The following SLC5A5 variants were observed in gnomAD, a reference collection of about 807,000 sequenced individuals.
SLC5A5 encodes the protein solute carrier family 5 member 5, also known as sodium/iodide cotransporter.
In SLC5A5, 56 loss-of-function variants were observed where a neutral mutation model predicts 68.6. The observed-to-expected ratio is 0.82, with a 90% CI of 0.66 to 1.02. SLC5A5 has a LOEUF of 1.02. Among genes scored for constraint, SLC5A5 ranks in the 50% least tolerant of loss-of-function variants. The pLI, the probability that SLC5A5 is intolerant of heterozygous loss-of-function variation, is 0.00. For missense variants in SLC5A5, 807 were observed against 859.8 expected (o/e 0.94, Z 0.77); for synonymous variants, 398 against 373.0 (o/e 1.07, Z -0.77).
At chr19:17,872,814 A>T in intron 1 of SLC5A5, 138 bp downstream of exon 1, 1 of 656,284 alleles carries the variant, frequency 1.5e-6, no homozygotes, top group Non-Finnish European at 2.7e-6. Context: ...AGGGGCCCCT[A>T]GGCAGACACG....
At chr19:17,877,910 C>G in intron 6 of SLC5A5, 47 bp downstream of exon 6, 1 of 1,613,954 alleles carries the variant, frequency 6.2e-7, no homozygotes, top group Non-Finnish European at 8.5e-7. Flanking sequence ...ACATGCTGCC[C>G]CCCTCCACCA....
At chr19:17,873,124 G>GA (rs1360595703) in intron 1 of SLC5A5, among the ~76,000 whole-genome samples, 5 of 152,308 alleles carry the variant, frequency 3.3e-5, no homozygotes, top group African/African-American at 1.2e-4. Context: ...TCCAATGGGC[G>GA]AATTACAGGA....
At position 17,883,745 on chromosome 19, in the gene SLC5A5, TCCTGCCGGCCTGCAACACA is replaced by T; in HGVS notation, c.1310_1328del (p.Leu437ArgfsTer7). 1 of 1,506,162 alleles carries T rather than the reference TCCTGCCGGCCTGCAACACA, an allele frequency of 6.6e-7. No homozygotes were observed. Among genetic ancestry groups the T allele is most frequent in the Non-Finnish European group, 8.9e-7 (1 of 1,117,322 alleles). The allele number at this position is 1,506,162 out of a possible 1,614,324, so 93.3% of individuals were successfully genotyped here. ...CTGGGAGCCTTCATCTTGGGAATGTTCCTGCCGGCCTGCAACACACCGGTGAGTGGGGGCGGGGCAAGGG... is the reference window on the plus strand; with the variant it reads ...CTGGGAGCCTTCATCTTGGGAATGTTCCGGTGAGTGGGGGCGGGGCAAGGG... On this transcript the variant is annotated frameshift_variant, in exon 11 of 15. Transcript: ENST00000222248.
At chr19:17,886,705 C>T (rs113290028) in intron 12 of SLC5A5, among the ~76,000 whole-genome samples, 13 of 152,286 alleles carry the variant, frequency 8.5e-5, no homozygotes, top group African/African-American at 2.4e-4. Context: ...AACTTCTCCA[C>T]GTCCTCGCCA....
rs201684511 is a variant in SLC5A5 at position 17,894,150 on chromosome 19, T to TTTTC, written c.*276_*277insCTTT. 48,482 of 356,176 alleles carry TTTTC rather than the reference T, an allele frequency of 0.14. 3,010 individuals are homozygous for TTTTC. The highest frequency in any genetic ancestry group is 0.17 in the Non-Finnish European group (32,904 of 190,356). The allele number at this position is 356,176 out of a possible 1,614,324, so 22.1% of individuals were successfully genotyped here. On this transcript the variant is annotated 3_prime_UTR_variant, in exon 15 of 15. Transcript: ENST00000222248. ...CTGGGTTTTTCTCTCTCTCTTTTTT[T>TTTTC]TTTTTTTTTTTTTTTGAGACAGGGT...
chr19:17,882,806 C>T (rs1325723209), intron 10 of SLC5A5, among the ~76,000 whole-genome samples: 2 of 152,172 alleles, frequency 1.3e-5, no homozygotes, highest in Non-Finnish European at 2.9e-5. Context: ...GCCTCAGCCT[C>T]CCGAGTAGCT....
Position 17,872,183 on chromosome 19 carries a change from C to T in SLC5A5, c.-137C>T, listed in dbSNP as rs866765676. The T allele has an allele frequency of 1.4e-4, 93 of 664,980 alleles. No homozygotes were observed. The African/African-American group carries it at 1.5e-3, about 11-fold the overall frequency. 41.2% of individuals were successfully genotyped at this position (664,980 alleles called of 1,614,324 possible). A position where few individuals can be genotyped will look rare whatever the true frequency, so the allele number is the denominator to read the frequency against. On this transcript the variant is annotated 5_prime_UTR_variant, in exon 1 of 15. Coordinates refer to ENST00000222248, the MANE Select transcript of SLC5A5 (RefSeq NM_000453.3). ...CCCCGGCCCCTCTCGCCGCTTCCCA[C>T]CCCAGACGGAGCGGGGACAGGCTGC... is the stretch of plus-strand genomic sequence containing the variant.
intron 14 of SLC5A5, among the ~76,000 whole-genome samples, chr19:17,892,362 G>A (rs574862110): frequency 2.0e-5 from 3 of 150,724 alleles, no homozygotes; most frequent in South Asian, 2.1e-4. Flanking sequence ...AGAGCCAGGC[G>A]TGATGGCTCA....
chr19:17,872,307 C>A lies in SLC5A5; in HGVS notation c.-13C>A. 1.9e-6 allele frequency: 3 copies of A among 1,565,064 alleles called. No individual in the cohort carries two copies. Among genetic ancestry groups the A allele is most frequent in the Non-Finnish European group, 2.6e-6 (3 of 1,156,028 alleles). On this transcript the variant is annotated 5_prime_UTR_variant, in exon 1 of 15. Transcript: ENST00000222248. ...GGCGTCCGAGGACGCGCTGGGCCTC[C>A]GCACCCGCCCTCATGGAGGCCGTGG...
chr19:17,878,974 C>CAAAAA (rs1368928380), intron 7 of SLC5A5, among the ~76,000 whole-genome samples: 3 of 47,950 alleles, frequency 6.3e-5, no homozygotes, highest in Non-Finnish European at 1.1e-4. Context: ...GACTCCATCT[C>CAAAAA]AAAAAAAAAA....
rs2147734916 is a variant in SLC5A5 at position 17,877,814 on chromosome 19, G to T, written c.790G>T (p.Ala264Ser). 1 of 1,614,238 alleles carries T rather than the reference G, an allele frequency of 6.2e-7. No homozygotes were observed. Among genetic ancestry groups the T allele is most frequent in the African/African-American group, 1.3e-5 (1 of 75,058 alleles). ...GCTCTCCATGTATGGCGTGAACCAGGCGCAGGTGCAGCGCTACGTGGCTTG... is the reference window on the plus strand; with the variant it reads ...GCTCTCCATGTATGGCGTGAACCAGTCGCAGGTGCAGCGCTACGTGGCTTG... Reference protein sequence around the residue: ...VWLSMYGVNQAQVQRYVACRT... With the variant: ...VWLSMYGVNQSQVQRYVACRT... The change falls in exon 6 of 15, where the codon GCG becomes TCG. Residue 264 changes from alanine to serine, a missense_variant. Ala to Ser is a moderately conservative substitution (Grantham distance 99). Transcript: ENST00000222248.
In SLC5A5 at chr19:17,883,779, C is replaced by T. The variant is rs1261582785; in HGVS notation, c.1329+12C>T. 7.4e-6 allele frequency: 3 copies of T among 407,458 alleles called. No homozygotes were observed. The highest frequency in any genetic ancestry group is 1.4e-5 in the Non-Finnish European group (3 of 217,080). 25.2% of individuals were successfully genotyped at this position (407,458 alleles called of 1,614,324 possible). On this transcript the variant is annotated intron_variant, in intron 11 of 14. Coordinates refer to ENST00000222248, the MANE Select transcript of SLC5A5 (RefSeq NM_000453.3). ...CCTGCAACACACCGGTGAGTGGGGG[C>T]GGGGCAAGGGGCGGGGAGGGGCGGG... is the stretch of plus-strand genomic sequence containing the variant.
chr19:17,882,342 T>G (rs1162916656), intron 10 of SLC5A5, 123 bp downstream of exon 10: 3 of 805,332 alleles, frequency 3.7e-6, no homozygotes, highest in African/African-American at 1.7e-5. Context: ...TTCTATGTTT[T>G]TTTTTTTTTT....
intron 7 of SLC5A5, among the ~76,000 whole-genome samples, chr19:17,878,611 A>G (rs10417391): frequency 0.25 from 38,762 of 152,044 alleles, 5,491 homozygotes; most frequent in African/African-American, 0.38. Context: ...GTGAGCAGAC[A>G]AGGGCCACAT....
At position 17,888,336 on chromosome 19, in the gene SLC5A5, G is replaced by A; in HGVS notation, c.1532G>A (p.Gly511Glu). Residue 511 changes from glycine to glutamate, a missense_variant, in exon 13 of 15, where the codon GGA becomes GAA. Physicochemically the swap from Gly to Glu is moderately conservative, Grantham distance 98. Coordinates refer to ENST00000222248, the MANE Select transcript of SLC5A5 (RefSeq NM_000453.3). The part of the protein sequence containing the change: ...ANDSSRAPSS[G>E]MDASRPALAD... ...CTGTCTCTCCCAACCTGCAGCTCAGGAATGGACGCCAGCCGACCCGCCTTA... is the reference window on the plus strand; with the variant it reads ...CTGTCTCTCCCAACCTGCAGCTCAGAAATGGACGCCAGCCGACCCGCCTTA... The A allele has an allele frequency of 6.2e-7, 1 of 1,613,890 alleles. No individual in the cohort carries two copies. The highest frequency in any genetic ancestry group is 8.5e-7 in the Non-Finnish European group (1 of 1,179,978).
chr19:17,881,974 G>A lies in SLC5A5; in HGVS notation c.1073G>A (p.Ser358Asn). The A allele has an allele frequency of 6.2e-7, 1 of 1,613,632 alleles. No homozygotes were observed. The highest frequency in any genetic ancestry group is 8.5e-7 in the Non-Finnish European group (1 of 1,179,528). Residue 358 changes from serine to asparagine, a missense_variant, in exon 9 of 15, where the codon AGC (serine) becomes AAC (asparagine). Transcript: ENST00000222248. ...TCCTCACACAGCACAGCATCCACCA[G>A]CATCAATGCTATGGCTGCAGTCACT... ...YSGTLSTAST[S>N]INAMAAVTVE...
chr19:17,878,067 C>T lies in SLC5A5; in HGVS notation c.943C>T (p.Leu315=), dbSNP rs2094311900. The part of the protein sequence containing the change: ...VFYTDCDPLL[L]GRISAPDQYM... ...CTACACTGACTGCGACCCTCTCCTC[C>T]TGGGGCGCATCTCTGCCCCAGACCA... The change falls in exon 7 of 15, where the codon CTG becomes TTG. Residue 315 remains leucine (L), a synonymous_variant. Transcript: ENST00000222248. 1 of 1,612,368 alleles carries T rather than the reference C, an allele frequency of 6.2e-7. No individual in the cohort carries two copies. Among genetic ancestry groups the T allele is most frequent in the East Asian group, 2.2e-5 (1 of 44,880 alleles).
chr19:17,877,707 C>G lies in SLC5A5; in HGVS notation c.699-16C>G, dbSNP rs2094310643. ...GTGACATCTCCACGTGGCTAACTTGCCCTGTCCCCACCCAGCTTTAACCCT... is the reference window on the plus strand; with the variant it reads ...GTGACATCTCCACGTGGCTAACTTGGCCTGTCCCCACCCAGCTTTAACCCT... On this transcript the variant is annotated splice_polypyrimidine_tract_variant and intron_variant, in intron 5 of 14. Transcript: ENST00000222248. The G allele has an allele frequency of 6.2e-7, 1 of 1,613,674 alleles. No homozygotes were observed. Among genetic ancestry groups the G allele is most frequent in the African/African-American group, 1.3e-5 (1 of 74,910 alleles).
At chr19:17,876,947 C>T (rs1000581818) in intron 5 of SLC5A5, among the ~76,000 whole-genome samples, 1 of 151,932 alleles carries the variant, frequency 6.6e-6, no homozygotes, top group Non-Finnish European at 1.5e-5. Context: ...AGGAGAATCG[C>T]TTGAACCCAG....
Sources: allele counts gnomAD v4.1 joint callset (sites outside exome capture counted in the v4.1 genomes callset), GRCh38; gene constraint gnomAD v4.1.1; transcripts MANE v1.5; gene names NCBI Gene and HGNC (gene_info 2026-07-23, HGNC 2026-07-21).